Variants in FNDC3A observed in about 807,000 individuals in gnomAD.
FNDC3A encodes fibronectin type III domain containing 3A.
In FNDC3A, 32 loss-of-function variants were observed where a neutral mutation model predicts 148.9. That is an observed-to-expected ratio of 0.21 (90% confidence interval 0.16 to 0.29). The LOEUF is 0.29. Ranked by LOEUF, FNDC3A falls within the 10% of genes least tolerant of loss-of-function variation. The pLI, the probability that FNDC3A is intolerant of heterozygous loss-of-function variation, is 1.00. For missense variants in FNDC3A, 1,191 were observed against 1,452.8 expected, an observed-to-expected ratio of 0.82 and a Z score of 2.93; for synonymous variants, 472 against 473.6, an observed-to-expected ratio of 1.00 and a Z score of 0.04.
In FNDC3A at chr13:49,198,377, C is replaced by G; in HGVS notation, c.2790C>G (p.Ala930=). 6.2e-7 allele frequency: 1 copy of G among 1,614,128 alleles called. No homozygotes were observed. The highest frequency in any genetic ancestry group is 8.5e-7 in the Non-Finnish European group (1 of 1,180,020). The change falls in exon 23 of 26, where the codon GCC becomes GCG. Residue 930 remains alanine, a synonymous_variant. Coordinates refer to ENST00000492622, the MANE Select transcript of FNDC3A (RefSeq NM_001079673.2). The part of the protein sequence containing the change: ...PDTTYRIRIQ[A]LNSLGAGPFS... ...TGGCACTTAGAATACGAATTCAAGC[C>G]TTGAATAGCCTTGGAGCTGGTCCTT... is the stretch of plus-strand genomic sequence containing the variant.
At chr13:49,119,518 A>G (rs1203113479) in intron 4 of FNDC3A, among the ~76,000 whole-genome samples, 1 of 152,076 alleles carries the variant, frequency 6.6e-6, no homozygotes, top group Non-Finnish European at 1.5e-5. Flanking sequence ...AGGCTTCAGA[A>G]GGTGGGTAAT....
At chr13:49,189,345 G>A (rs933312743) in intron 17 of FNDC3A, among the ~76,000 whole-genome samples, 2 of 151,902 alleles carry the variant, frequency 1.3e-5, no homozygotes, top group African/African-American at 4.8e-5. Context: ...ACCACAACTG[G>A]CTAATTTTTG....
chr13:49,170,076 A>T (rs1884674357), intron 10 of FNDC3A, among the ~76,000 whole-genome samples: 2 of 152,258 alleles, frequency 1.3e-5, no homozygotes, highest in South Asian at 4.1e-4. Context: ...CAATATCCTA[A>T]CATCCCTATA....
chr13:49,071,116 C>G (rs1877658895), intron 2 of FNDC3A, among the ~76,000 whole-genome samples: 1 of 133,952 alleles, frequency 7.5e-6, no homozygotes, highest in Admixed American at 8.7e-5. Context: ...CCCAGGTTGG[C>G]CTTGCGCTCC....
At chr13:49,036,421 A>G (rs949578053) in intron 2 of FNDC3A, among the ~76,000 whole-genome samples, 9 of 152,234 alleles carry the variant, frequency 5.9e-5, no homozygotes, top group Non-Finnish European at 1.2e-4. Context: ...ATGCTATAGG[A>G]CATTTCTGTC....
intron 2 of FNDC3A, among the ~76,000 whole-genome samples, chr13:49,060,583 G>C (rs1432712327): frequency 7.0e-6 from 1 of 141,858 alleles, no homozygotes. Flanking sequence ...GGCGGAGGTT[G>C]CAGTGACCCG....
chr13:49,122,379 C>T (rs1881410210), intron 4 of FNDC3A, among the ~76,000 whole-genome samples: 1 of 152,052 alleles, frequency 6.6e-6, no homozygotes, highest in Non-Finnish European at 1.5e-5. Flanking sequence ...ATAACAAACC[C>T]ACAGCCAATA....
intron 2 of FNDC3A, among the ~76,000 whole-genome samples, chr13:49,062,563 T>A (rs980274826): frequency 1.3e-5 from 2 of 152,216 alleles, no homozygotes; most frequent in African/African-American, 4.8e-5. Context: ...CATGACTTCG[T>A]ACACATTATA....
At chr13:49,065,244 A>G (rs569049704) in intron 2 of FNDC3A, among the ~76,000 whole-genome samples, 202 of 152,284 alleles carry the variant, frequency 1.3e-3, no homozygotes, top group African/African-American at 4.7e-3. Flanking sequence ...CATCTTCAGC[A>G]GAGTATCTGG....
At chr13:49,010,183 A>G (rs1952308741) in intron 2 of FNDC3A, among the ~76,000 whole-genome samples, 1 of 152,194 alleles carries the variant, frequency 6.6e-6, no homozygotes, top group Non-Finnish European at 1.5e-5. Flanking sequence ...GGCAAGGTGA[A>G]ATAAATAGTG....
At chr13:49,054,560 A>G (rs1028400913) in intron 2 of FNDC3A, among the ~76,000 whole-genome samples, 4 of 152,224 alleles carry the variant, frequency 2.6e-5, no homozygotes, top group South Asian at 4.1e-4. Context: ...CTCATAGTGC[A>G]TATTTCTGCA....
intron 3 of FNDC3A, among the ~76,000 whole-genome samples, chr13:49,079,557 A>C (rs1395501856): frequency 6.6e-6 from 1 of 152,228 alleles, no homozygotes; most frequent in Non-Finnish European, 1.5e-5. Flanking sequence ...AAGCAACAGA[A>C]GGAAAGAATG....
At chr13:49,134,232 A>G (rs945343754) in intron 5 of FNDC3A, among the ~76,000 whole-genome samples, 1 of 152,204 alleles carries the variant, frequency 6.6e-6, no homozygotes. Context: ...GGGTTTGCCT[A>G]TTCTAGACTT....
chr13:48,975,387 A>T (rs909735303), upstream of FNDC3A: 19 of 152,208 alleles, frequency 1.2e-4, no homozygotes, highest in Admixed American at 1.2e-3. Flanking sequence ...CACGTTTTCA[A>T]CTGAGTAAAT....
At position 49,131,295 on chromosome 13, in the gene FNDC3A, C is replaced by T; in HGVS notation, c.411C>T (p.Tyr137=). 3 of 1,614,002 alleles carry T rather than the reference C, an allele frequency of 1.9e-6. No individual in the cohort carries two copies. Among genetic ancestry groups the T allele is most frequent in the Non-Finnish European group, 2.5e-6 (3 of 1,179,988 alleles). The change falls in exon 5 of 26, where the codon TAC becomes TAT. Residue 137 remains tyrosine, a synonymous_variant. Transcript: ENST00000492622. The part of the protein sequence containing the change: ...TMMPPPPRHM[Y]SPVTGAGDMT... Reference sequence around the variant, plus strand: ...TGCCGCCTCCACCACGTCATATGTACTCACCCGTGACTGGAGCTGGAGACA... The same window carrying T: ...TGCCGCCTCCACCACGTCATATGTATTCACCCGTGACTGGAGCTGGAGACA...
chr13:49,120,249 A>T (rs960569446), intron 4 of FNDC3A, among the ~76,000 whole-genome samples: 1 of 152,186 alleles, frequency 6.6e-6, no homozygotes, highest in Non-Finnish European at 1.5e-5. Flanking sequence ...TAAGCTTCAT[A>T]AGCGAAGGAG....
At chr13:49,156,246 G>T (rs952551962) in intron 8 of FNDC3A, among the ~76,000 whole-genome samples, 1 of 148,302 alleles carries the variant, frequency 6.7e-6, no homozygotes, top group African/African-American at 2.5e-5. Flanking sequence ...AGCTCTTCTT[G>T]TTGAATTGAT....
intron 3 of FNDC3A, among the ~76,000 whole-genome samples, chr13:49,085,478 T>A (rs1039055253): frequency 3.3e-5 from 5 of 152,190 alleles, no homozygotes; most frequent in African/African-American, 4.8e-5. Context: ...CCTGCTCTGA[T>A]ATCCTGGAAT....
chr13:48,985,727 AAC>A (rs1951778292), intron 1 of FNDC3A, among the ~76,000 whole-genome samples: 1 of 152,200 alleles, frequency 6.6e-6, no homozygotes, highest in African/African-American at 2.4e-5. Context: ...CAGAAAACCT[AAC>A]ACACAGGTAA....
Sources: allele counts gnomAD v4.1 joint callset (sites outside exome capture counted in the v4.1 genomes callset), GRCh38; gene constraint gnomAD v4.1.1; transcripts MANE v1.5; gene names NCBI Gene and HGNC (gene_info 2026-07-23, HGNC 2026-07-21).